The following TENT4B variants were observed in gnomAD, a reference collection of about 807,000 sequenced individuals.
TENT4B encodes the protein PAP associated domain containing 5.
A neutral mutation model predicts 75.0 loss-of-function variants in TENT4B; 10 were observed. The ratio of observed to expected loss-of-function variants is 0.13; its 90% CI spans 0.08 to 0.23. TENT4B has a LOEUF of 0.23. Ranked by LOEUF, TENT4B falls within the 10% of genes least tolerant of loss-of-function variation. The pLI is 1.00. For synonymous variants in TENT4B, 350 were observed against 357.7 expected (o/e 0.98, Z 0.24); for missense variants, 579 against 893.8 (o/e 0.65, Z 4.49).
chr16:50,153,183 TGGG>T (rs760198722), upstream of TENT4B, among the ~76,000 whole-genome samples: 607 of 21,144 alleles, frequency 0.029, 58 homozygotes, highest in Middle Eastern at 0.11. Flanking sequence ...GGCGGGGCGG[TGGG>T]GGGGGGGGGC....
In TENT4B at chr16:50,234,984, C is replaced by G. The variant is rs2032404137; in HGVS notation, c.*5656C>G. The G allele has an allele frequency of 1.0e-6, 1 of 985,856 alleles. No homozygotes were observed. Among genetic ancestry groups the G allele is most frequent in the Non-Finnish European group, 1.2e-6 (1 of 829,934 alleles). The allele number at this position is 985,856 out of a possible 1,614,324, so 61.1% of individuals were successfully genotyped here. Reference sequence around the variant, plus strand: ...GTGAGGTGCTGGAGGTTTGAATCATCTTGAAAACTTTCCAATCTTGTCTAG... The same window carrying G: ...GTGAGGTGCTGGAGGTTTGAATCATGTTGAAAACTTTCCAATCTTGTCTAG... On this transcript the variant is annotated 3_prime_UTR_variant, in exon 12 of 12. Coordinates refer to ENST00000561678, the MANE Select transcript of TENT4B (RefSeq NM_001365324.3).
intron 1 of TENT4B, among the ~76,000 whole-genome samples, chr16:50,163,528 T>C (rs1255767946): frequency 6.7e-6 from 1 of 150,072 alleles, no homozygotes; most frequent in African/African-American, 2.5e-5. Flanking sequence ...TCCTCCCGAG[T>C]AGCTGGGACT....
Position 50,187,614 on chromosome 16 carries a change from CT to C in TENT4B, c.639-23705del, listed in dbSNP as rs34494729. The stretch of plus-strand genomic sequence containing the variant: ...TGGGGGGTAAAAGTCAAACTTGAGT[CT>C]TTTGCCTGTGGATATCCAGTTTTCC... On this transcript the variant is annotated intron_variant, in intron 1 of 11. Coordinates refer to ENST00000561678, the MANE Select transcript of TENT4B (RefSeq NM_001365324.3). Among the ~76,000 whole-genome samples, 260 of 152,252 alleles carry C rather than the reference CT, an allele frequency of 1.7e-3. 1 individual carries two copies. The highest frequency in any genetic ancestry group is 1.5e-3 in the Non-Finnish European group (99 of 68,028).
chr16:50,180,682 C>G (rs1363420808), intron 1 of TENT4B, among the ~76,000 whole-genome samples: 1 of 146,700 alleles, frequency 6.8e-6, no homozygotes, highest in Non-Finnish European at 1.5e-5. Flanking sequence ...GCACTCCAGC[C>G]TGGGTGACAG....
chr16:50,204,056 G>A (rs760901714), intron 1 of TENT4B, among the ~76,000 whole-genome samples: 20 of 152,188 alleles, frequency 1.3e-4, no homozygotes, highest in South Asian at 4.1e-4. Flanking sequence ...TGGGGCTGTC[G>A]TAGAAGAGGG....
rs372088845 is a variant in TENT4B at position 50,216,081 on chromosome 16, C to T, written c.816C>T (p.Ile272=). The T allele has an allele frequency of 2.1e-4, 343 of 1,613,916 alleles. 1 individual carries two copies. Among genetic ancestry groups the T allele is most frequent in the South Asian group, 1.1e-3 (99 of 91,070 alleles). ...ATATGTATTCTGTGTTCAGTGACAT[C>T]GACCTAGTGGTGTTTGGGAAGTGGG... The part of the protein sequence containing the change: ...KTGLYLPTSD[I]DLVVFGKWEN... Residue 272 remains isoleucine, a synonymous_variant, in exon 4 of 12, where the codon ATC becomes ATT. Transcript: ENST00000561678.
In TENT4B at chr16:50,160,727, C is replaced by G. The variant is rs181678632; in HGVS notation, c.638+6468C>G. On this transcript the variant is annotated intron_variant, in intron 1 of 11. Transcript: ENST00000561678. ...TCATGGCAGTGGTTAGATATTCTTG[C>G]ACCTGCTGAAGCTGAGAAAATTAAA... 7.9e-5 allele frequency among the ~76,000 whole-genome samples: 12 copies of G among 152,312 alleles called. No homozygotes were observed. The East Asian group carries it at 2.3e-3, about 29-fold the overall frequency.
intron 1 of TENT4B, among the ~76,000 whole-genome samples, chr16:50,208,968 C>T (rs546055873): frequency 4.2e-4 from 64 of 152,260 alleles, no homozygotes; most frequent in Non-Finnish European, 5.0e-4. Context: ...TGGCCTCAGG[C>T]GATCTGCCTG....
At position 50,153,577 on chromosome 16, in the gene TENT4B, C is replaced by T; in HGVS notation, c.-45C>T. The T allele has an allele frequency of 3.1e-6, 3 of 967,580 alleles. No homozygotes were observed. The highest frequency in any genetic ancestry group is 3.6e-6 in the Non-Finnish European group (3 of 823,416). The allele number at this position is 967,580 out of a possible 1,614,324, so 59.9% of individuals were successfully genotyped here. A position where few individuals can be genotyped will look rare whatever the true frequency, so the allele number is the denominator to read the frequency against. On this transcript the variant is annotated 5_prime_UTR_variant, in exon 1 of 12. Coordinates refer to ENST00000561678, the MANE Select transcript of TENT4B (RefSeq NM_001365324.3). ...GCCTGAGGCGGCGGCGGCGGCGGCC[C>T]TGCGGGCGGCCGGGAGGGGCGGGGG...
At chr16:50,179,499 A>G (rs2150693653) in intron 1 of TENT4B, among the ~76,000 whole-genome samples, 1 of 152,246 alleles carries the variant, frequency 6.6e-6, no homozygotes, top group East Asian at 1.9e-4. Flanking sequence ...TGGTGTGGTG[A>G]GGAGTAGGAT....
intron 1 of TENT4B, among the ~76,000 whole-genome samples, chr16:50,193,092 A>G (rs1390196526): frequency 6.6e-6 from 1 of 152,154 alleles, no homozygotes; most frequent in Non-Finnish European, 1.5e-5. Context: ...ATACATTATT[A>G]GCTTGTGGAC....
chr16:50,227,045 A>G (rs979929506), intron 10 of TENT4B, among the ~76,000 whole-genome samples: 1 of 152,230 alleles, frequency 6.6e-6, no homozygotes, highest in African/African-American at 2.4e-5. Context: ...CTGATTTGAG[A>G]TCTAAAGCAG....
rs1484704678 is a variant in TENT4B at position 50,232,917 on chromosome 16, T to C, written c.*3589T>C. 42 of 985,380 alleles carry C rather than the reference T, an allele frequency of 4.3e-5. No individual in the cohort carries two copies. The highest frequency in any genetic ancestry group is 4.9e-5 in the Non-Finnish European group (41 of 829,882). The allele number at this position is 985,380 out of a possible 1,614,324, so 61.0% of individuals were successfully genotyped here. A position where few individuals can be genotyped will look rare whatever the true frequency, so the allele number is the denominator to read the frequency against. On this transcript the variant is annotated 3_prime_UTR_variant, in exon 12 of 12. Transcript: ENST00000561678. ...TGGTTGCTTCACAGTCAAAACTAAA[T>C]GGTAAACTATCAAAAATACATTCCC... is the stretch of plus-strand genomic sequence containing the variant.
At chr16:50,218,593 C>T (rs1159927527) in intron 5 of TENT4B, among the ~76,000 whole-genome samples, 1 of 151,968 alleles carries the variant, frequency 6.6e-6, no homozygotes, top group Non-Finnish European at 1.5e-5. Flanking sequence ...ACCTTGTGAT[C>T]CGCCTACCTC....
intron 2 of TENT4B, among the ~76,000 whole-genome samples, chr16:50,212,793 G>A (rs1303106098): frequency 6.6e-6 from 1 of 152,128 alleles, no homozygotes; most frequent in Non-Finnish European, 1.5e-5. Context: ...GTACCTAGTG[G>A]GTAGAGGCCA....
intron 6 of TENT4B, 47 bp from the exon 7 acceptor site, chr16:50,223,127 G>T: frequency 1.4e-6 from 2 of 1,432,636 alleles, no homozygotes; most frequent in South Asian, 2.5e-5. Context: ...CCCTCTCCTT[G>T]ATAATTTAGC....
In TENT4B at chr16:50,174,637, T is replaced by G. The variant is rs1186042171; in HGVS notation, c.638+20378T>G. On this transcript the variant is annotated intron_variant, in intron 1 of 11. Coordinates refer to ENST00000561678, the MANE Select transcript of TENT4B (RefSeq NM_001365324.3). Reference sequence around the variant, plus strand: ...TATACAATAAATTATTATCTATAAGTCACCTCATTGTGCTGTCAAACATTA... The same window carrying G: ...TATACAATAAATTATTATCTATAAGGCACCTCATTGTGCTGTCAAACATTA... 8.5e-5 allele frequency among the ~76,000 whole-genome samples: 13 copies of G among 152,168 alleles called. No individual in the cohort carries two copies. The South Asian group carries it at 2.5e-3, about 29-fold the overall frequency.
Position 50,153,961 on chromosome 16 carries a change from A to C in TENT4B, c.340A>C (p.Asn114His), listed in dbSNP as rs578259267. The C allele has an allele frequency of 6.4e-4, 982 of 1,533,440 alleles. 1 individual carries two copies. The highest frequency in any genetic ancestry group is 8.4e-4 in the Middle Eastern group (5 of 5,988). 95.0% of individuals were successfully genotyped at this position (1,533,440 alleles called of 1,614,324 possible). ...LPLETTNNNNNHHQPGAWARR... is the reference protein window; with the variant it reads ...LPLETTNNNNHHHQPGAWARR... The stretch of plus-strand genomic sequence containing the variant: ...CCTAGAGACGACCAACAACAACAAC[A>C]ACCACCACCAGCCCGGGGCCTGGGC... The change falls in exon 1 of 12, where the codon AAC becomes CAC. Residue 114 changes from asparagine to histidine, a missense_variant. Physicochemically the swap from Asn to His is moderately conservative, Grantham distance 68. This residue lies in a region of TENT4B where 253 missense variants were observed against 270.1 expected (regional missense o/e 0.94). Transcript: ENST00000561678.
chr16:50,187,419 C>T (rs191018936), intron 1 of TENT4B, among the ~76,000 whole-genome samples: 1 of 152,256 alleles, frequency 6.6e-6, no homozygotes, highest in Admixed American at 6.5e-5. Context: ...CCTGTCTCTA[C>T]TAAAAATACA....
Sources: allele counts gnomAD v4.1 joint callset (sites outside exome capture counted in the v4.1 genomes callset), GRCh38; gene constraint gnomAD v4.1.1; regional missense constraint gnomAD v4.1.1; transcripts MANE v1.5; gene names NCBI Gene and HGNC (gene_info 2026-07-23, HGNC 2026-07-21).